The following CNOT2 variants were observed in gnomAD, a reference collection of about 807,000 sequenced individuals.
The protein encoded by CNOT2 is CC chemokine receptor 4-negative regulator of transcription 2.
In CNOT2, 7 loss-of-function variants were observed where a neutral mutation model predicts 72.1. The ratio of observed to expected loss-of-function variants is 0.10; its 90% CI spans 0.06 to 0.18. The LOEUF is 0.18. CNOT2 is among the 10% of genes least tolerant of loss of function. The pLI, the probability that CNOT2 is intolerant of heterozygous loss-of-function variation, is 1.00. For missense variants in CNOT2, 345 were observed against 660.3 expected (o/e 0.52, Z 5.23); for synonymous variants, 196 against 225.6 (o/e 0.87, Z 1.17).
At chr12:70,278,391 G>A in intron 2 of CNOT2, 117 bp downstream of exon 2, 1 of 608,572 alleles carries the variant, frequency 1.6e-6, no homozygotes, top group Admixed American at 3.2e-5. Flanking sequence ...TTGAAAATTT[G>A]GGTTTATAAT....
intron 14 of CNOT2, 130 bp downstream of exon 14, chr12:70,344,358 T>C (rs1881896101): frequency 3.3e-6 from 2 of 606,694 alleles, no homozygotes; most frequent in East Asian, 5.8e-5. Flanking sequence ...TTTACATTAT[T>C]AAAGTGAATT....
chr12:70,299,540 A>G (rs1873492251), intron 2 of CNOT2, among the ~76,000 whole-genome samples: 1 of 152,166 alleles, frequency 6.6e-6, no homozygotes, highest in Non-Finnish European at 1.5e-5. Context: ...ACGTCCCTAC[A>G]AAGGACATGA....
intron 3 of CNOT2, among the ~76,000 whole-genome samples, chr12:70,318,775 A>C (rs1877789218): frequency 6.6e-6 from 1 of 151,854 alleles, no homozygotes; most frequent in African/African-American, 2.4e-5. Flanking sequence ...GCAAATATGC[A>C]CACACACATA....
intron 2 of CNOT2, chr12:70,294,184 AGGGTG>A (rs1348214167): frequency 2.3e-6 from 3 of 1,289,336 alleles, no homozygotes; most frequent in Non-Finnish European, 3.0e-6. Flanking sequence ...GGGAGCTCCT[AGGGTG>A]GGGCTGGTGC....
chr12:70,245,835 T>C (rs926496798), intron 1 of CNOT2, among the ~76,000 whole-genome samples: 2 of 152,202 alleles, frequency 1.3e-5, no homozygotes, highest in South Asian at 2.1e-4. Context: ...GTTGCACTTT[T>C]TGATTTTTCA....
chr12:70,321,185 A>T (rs1878239635), intron 4 of CNOT2, among the ~76,000 whole-genome samples: 1 of 151,878 alleles, frequency 6.6e-6, no homozygotes, highest in African/African-American at 2.4e-5. Flanking sequence ...TTAAAATGAC[A>T]TTTTAAGTGT....
intron 11 of CNOT2, among the ~76,000 whole-genome samples, 200 bp downstream of exon 11, chr12:70,339,022 G>GTA (rs1394837895): frequency 7.2e-6 from 1 of 138,834 alleles, no homozygotes; most frequent in African/African-American, 3.1e-5. Flanking sequence ...TTATGTGTGT[G>GTA]TGTGTGTGTG....
At chr12:70,274,453 C>G (rs1321818242) in intron 1 of CNOT2, among the ~76,000 whole-genome samples, 1 of 152,044 alleles carries the variant, frequency 6.6e-6, no homozygotes, top group African/African-American at 2.4e-5. Context: ...ACCTGTTCAG[C>G]TGGTTCAGCT....
At chr12:70,271,442 C>T (rs1211663623) in intron 1 of CNOT2, among the ~76,000 whole-genome samples, 2 of 141,956 alleles carry the variant, frequency 1.4e-5, no homozygotes, top group Admixed American at 7.6e-5. Flanking sequence ...GGCACAATCT[C>T]AGCTCACTGC....
At chr12:70,286,471 AAATTATCATATTAGC>A (rs1430661759) in intron 2 of CNOT2, among the ~76,000 whole-genome samples, 1 of 150,050 alleles carries the variant, frequency 6.7e-6, no homozygotes, top group African/African-American at 2.4e-5. Context: ...CCCTGCACCT[AAATTATCATATTAGC>A]ATTGTGTACC....
At chr12:70,341,295 C>T (rs1173189487) in intron 11 of CNOT2, among the ~76,000 whole-genome samples, 1 of 152,176 alleles carries the variant, frequency 6.6e-6, no homozygotes, top group East Asian at 1.9e-4. Context: ...GCTTCACTGG[C>T]CACCTTGTTA....
intron 1 of CNOT2, among the ~76,000 whole-genome samples, chr12:70,246,670 A>G (rs549378094): frequency 6.6e-6 from 1 of 152,294 alleles, no homozygotes. Flanking sequence ...AGTTGATGTC[A>G]TTGTAGAAAG....
chr12:70,272,930 T>C (rs1472168695), intron 1 of CNOT2, among the ~76,000 whole-genome samples: 1 of 152,216 alleles, frequency 6.6e-6, no homozygotes, highest in Non-Finnish European at 1.5e-5. Context: ...TCCTGTTTAC[T>C]ATCTTTGTTT....
At chr12:70,350,546 C>A (rs1258791044) in intron 15 of CNOT2, among the ~76,000 whole-genome samples, 2 of 152,210 alleles carry the variant, frequency 1.3e-5, no homozygotes, top group Non-Finnish European at 2.9e-5. Context: ...TCTGTAACTT[C>A]TGAATGCCAA....
At chr12:70,352,008 T>G (rs895121074) in intron 15 of CNOT2, among the ~76,000 whole-genome samples, 3 of 152,182 alleles carry the variant, frequency 2.0e-5, no homozygotes, top group African/African-American at 7.2e-5. Flanking sequence ...ATGGTGTACC[T>G]TCTTTATAAA....
chr12:70,323,315 G>C (rs142226045), intron 4 of CNOT2: 4 of 151,380 alleles, frequency 2.6e-5, no homozygotes, highest in Admixed American at 2.6e-4. Flanking sequence ...TCTGTACCTC[G>C]CATATGACAA....
intron 1 of CNOT2, among the ~76,000 whole-genome samples, chr12:70,275,545 A>G (rs1176803925): frequency 1.3e-5 from 2 of 152,052 alleles, no homozygotes; most frequent in African/African-American, 2.4e-5. Flanking sequence ...TCTGGAAACC[A>G]TTGTTTCATA....
At chr12:70,337,777 G>T in intron 9 of CNOT2, 1 of 505,680 alleles carries the variant, frequency 2.0e-6, no homozygotes, top group Non-Finnish European at 3.8e-6. Context: ...TGGATCCCAT[G>T]AAGTTTGATA....
chr12:70,293,388 A>C (rs998462129), intron 2 of CNOT2, among the ~76,000 whole-genome samples: 5 of 151,980 alleles, frequency 3.3e-5, no homozygotes, highest in Admixed American at 6.6e-5. Context: ...CAAACTCCCG[A>C]CCTCAGGTGA....
Sources: gnomAD v4.1 joint callset for allele counts (sites outside exome capture counted in the v4.1 genomes callset) on GRCh38, gnomAD v4.1.1 for gene constraint, MANE v1.5 for transcripts, NCBI Gene and HGNC (gene_info 2026-07-23, HGNC 2026-07-21) for gene names.